Variants in EFCAB14 observed in about 807,000 individuals in gnomAD.
The protein encoded by EFCAB14 is EF-hand calcium-binding domain-containing protein 14.
A neutral mutation model predicts 56.5 loss-of-function variants in EFCAB14; 43 were observed. The ratio of observed to expected loss-of-function variants is 0.76; its 90% CI spans 0.60 to 0.98. The LOEUF (loss-of-function observed/expected upper bound fraction) is 0.98. Ranked by LOEUF, EFCAB14 falls within the 50% of genes least tolerant of loss-of-function variation. The pLI is 0.00. For synonymous variants in EFCAB14, 235 were observed against 212.9 expected, an observed-to-expected ratio of 1.10 and a Z score of -0.90; for missense variants, 538 against 580.3, an observed-to-expected ratio of 0.93 and a Z score of 0.75.
intron 1 of EFCAB14, 132 bp from the exon 2 acceptor site, chr1:46,716,575 G>T: frequency 2.0e-6 from 2 of 1,014,146 alleles, no homozygotes; most frequent in South Asian, 1.7e-5. Context: ...AGGGGAGGCA[G>T]GGTAAAGCAC....
At chr1:46,686,894 A>T (rs752317575) in intron 7 of EFCAB14, 24 bp from the exon 8 acceptor site, 3 of 1,608,834 alleles carry the variant, frequency 1.9e-6, no homozygotes, top group Non-Finnish European at 2.6e-6. Flanking sequence ...ACAAAAACAA[A>T]CAAACAAAGG....
chr1:46,676,692 T>C lies in EFCAB14; in HGVS notation c.*1769A>G, dbSNP rs1676700469. On this transcript the variant is annotated 3_prime_UTR_variant, in exon 11 of 11. Coordinates refer to ENST00000371933, the MANE Select transcript of EFCAB14 (RefSeq NM_014774.3). ...AGAAGGGTGAGAGTTATTTTCAAGT[T>C]ACCTAAAGTGCCAGGCTAATTTGTT... 6.6e-6 allele frequency: 1 copy of C among 152,596 alleles called. No individual in the cohort carries two copies. The highest frequency in any genetic ancestry group is 2.1e-4 in the South Asian group (1 of 4,828). 9.5% of individuals were successfully genotyped at this position (152,596 alleles called of 1,614,324 possible).
intron 3 of EFCAB14, among the ~76,000 whole-genome samples, chr1:46,703,870 T>C (rs1323865916): frequency 6.6e-6 from 1 of 152,202 alleles, no homozygotes; most frequent in Non-Finnish European, 1.5e-5. Flanking sequence ...AGTATAGATT[T>C]TGAGATTACA....
At chr1:46,687,762 C>T (rs189001959) in intron 7 of EFCAB14, among the ~76,000 whole-genome samples, 22 of 152,278 alleles carry the variant, frequency 1.4e-4, no homozygotes, top group Middle Eastern at 3.4e-3. Flanking sequence ...CGTGCACAGT[C>T]GGCCAGCATC....
chr1:46,691,918 T>C lies in EFCAB14; in HGVS notation c.599A>G (p.Asn200Ser), dbSNP rs1401575220. The C allele has an allele frequency of 1.5e-5, 25 of 1,613,110 alleles. No individual in the cohort carries two copies. Among genetic ancestry groups the C allele is most frequent in the African/African-American group, 4.0e-5 (3 of 74,848 alleles). The change falls in exon 5 of 11, where the codon AAT becomes AGT. Residue 200 changes from asparagine (N) to serine (S), a missense_variant. Coordinates refer to ENST00000371933, the MANE Select transcript of EFCAB14 (RefSeq NM_014774.3). ...AGCAAGATGGACGCTGTTTAAAGTA[T>C]TGCCAATGGAAGCTACACTCTGAAT... ...GLQKSVASIG[N>S]TLNSVHLAVE...
intron 2 of EFCAB14, among the ~76,000 whole-genome samples, chr1:46,714,343 G>T (rs143824107): frequency 1.3e-5 from 2 of 151,398 alleles, no homozygotes; most frequent in African/African-American, 4.9e-5. Flanking sequence ...TGCTATTAAG[G>T]TTAGGGTATT....
intron 3 of EFCAB14, among the ~76,000 whole-genome samples, 157 bp downstream of exon 3, chr1:46,707,749 C>T (rs543651679): frequency 6.6e-6 from 1 of 152,294 alleles, no homozygotes; most frequent in Admixed American, 6.5e-5. Context: ...TTTTACCTGA[C>T]TTTAACATGC....
At chr1:46,683,518 T>C (rs1676830597) in intron 9 of EFCAB14, 93 bp from the exon 10 acceptor site, 1 of 1,289,706 alleles carries the variant, frequency 7.8e-7, no homozygotes, top group East Asian at 2.4e-5. Flanking sequence ...AAATTGGATA[T>C]ACAATTAATT....
chr1:46,707,734 A>C (rs1677253561), intron 3 of EFCAB14, among the ~76,000 whole-genome samples, 172 bp downstream of exon 3: 1 of 152,200 alleles, frequency 6.6e-6, no homozygotes, highest in Non-Finnish European at 1.5e-5. Flanking sequence ...GTAAATGCAT[A>C]ACTATTTTAC....
chr1:46,683,993 C>A (rs1676838316), intron 9 of EFCAB14, among the ~76,000 whole-genome samples: 1 of 152,118 alleles, frequency 6.6e-6, no homozygotes, highest in Non-Finnish European at 1.5e-5. Flanking sequence ...TTGGTTATGT[C>A]CTCACAGGGT....
At chr1:46,706,846 C>G (rs1677240187) in intron 3 of EFCAB14, among the ~76,000 whole-genome samples, 1 of 152,194 alleles carries the variant, frequency 6.6e-6, no homozygotes. Flanking sequence ...GCACCATACA[C>G]ATTAAGAGTG....
At chr1:46,679,625 T>TTTTG (rs1676758814) in intron 10 of EFCAB14, among the ~76,000 whole-genome samples, 1 of 87,768 alleles carries the variant, frequency 1.1e-5, no homozygotes, top group Non-Finnish European at 2.1e-5. Context: ...TTTTTTTTTT[T>TTTTG]TTTTTGGTGG....
chr1:46,695,135 G>A (rs1411548174), intron 4 of EFCAB14, among the ~76,000 whole-genome samples: 3 of 151,852 alleles, frequency 2.0e-5, no homozygotes, highest in Non-Finnish European at 4.4e-5. Flanking sequence ...ATGAGTTAAT[G>A]GGTGCAGCAC....
intron 3 of EFCAB14, among the ~76,000 whole-genome samples, chr1:46,706,289 G>C (rs894136500): frequency 2.0e-5 from 3 of 152,168 alleles, no homozygotes; most frequent in African/African-American, 7.2e-5. Context: ...TGCCTTCTCA[G>C]GTGCTTCTTG....
At chr1:46,681,791 T>C (rs1278287884) in intron 10 of EFCAB14, among the ~76,000 whole-genome samples, 1 of 151,818 alleles carries the variant, frequency 6.6e-6, no homozygotes, top group Non-Finnish European at 1.5e-5. Context: ...CATCCAAAAG[T>C]ATTTAAGGCC....
intron 3 of EFCAB14, among the ~76,000 whole-genome samples, chr1:46,700,463 A>G (rs1032753225): frequency 2.0e-5 from 3 of 152,212 alleles, no homozygotes; most frequent in African/African-American, 7.2e-5. Flanking sequence ...TAAACTTCCT[A>G]AGAGAAGCAA....
At chr1:46,688,994 T>C (rs1676935150) in intron 6 of EFCAB14, among the ~76,000 whole-genome samples, 1 of 152,228 alleles carries the variant, frequency 6.6e-6, no homozygotes, top group South Asian at 2.1e-4. Flanking sequence ...AAGATTCAAT[T>C]ATTTTTACTG....
At chr1:46,686,943 A>C (rs1027238937) in intron 7 of EFCAB14, 73 bp from the exon 8 acceptor site, 5 of 1,383,758 alleles carry the variant, frequency 3.6e-6, no homozygotes, top group Non-Finnish European at 5.1e-6. Flanking sequence ...AACACCTAGC[A>C]CTTTTAAACA....
chr1:46,683,154 A>G (rs1676821786), intron 10 of EFCAB14, 146 bp downstream of exon 10: 1 of 881,884 alleles, frequency 1.1e-6, no homozygotes, highest in Non-Finnish European at 1.7e-6. Flanking sequence ...TATCAGGATT[A>G]TATGACATAA....
Sources: allele counts gnomAD v4.1 joint callset (sites outside exome capture counted in the v4.1 genomes callset), GRCh38; gene constraint gnomAD v4.1.1; transcripts MANE v1.5; gene names NCBI Gene and HGNC (gene_info 2026-07-23, HGNC 2026-07-21).